ACVR1: variants seen among roughly 807,000 people sequenced by gnomAD.
ACVR1 encodes activin A receptor type 1.
In ACVR1, 38 loss-of-function variants were observed where a neutral mutation model predicts 57.1. That is an observed-to-expected ratio of 0.67 (90% CI 0.51 to 0.87). ACVR1 has a LOEUF of 0.87. Ranked by LOEUF, ACVR1 falls within the 40% of genes least tolerant of loss-of-function variation. The pLI, the probability that ACVR1 is intolerant of heterozygous loss-of-function variation, is 0.00. For missense variants in ACVR1, 463 were observed against 638.2 expected (o/e 0.73, Z 2.96); for synonymous variants, 212 against 228.1 (o/e 0.93, Z 0.63).
chr2:157,835,619 T>C (rs564562072), intron 1 of ACVR1, among the ~76,000 whole-genome samples: 2 of 152,336 alleles, frequency 1.3e-5, no homozygotes, highest in Admixed American at 6.5e-5. Flanking sequence ...TGGGAGAGTA[T>C]TGTGCTGAAT....
intron 3 of ACVR1, among the ~76,000 whole-genome samples, chr2:157,781,235 A>C (rs559342969): frequency 1.3e-5 from 2 of 152,316 alleles, no homozygotes; most frequent in African/African-American, 4.8e-5. Context: ...TGAGCATCTC[A>C]AATCCAAAAA....
intron 9 of ACVR1, among the ~76,000 whole-genome samples, chr2:157,757,429 G>A (rs1685480146): frequency 1.3e-5 from 2 of 151,630 alleles, no homozygotes; most frequent in Admixed American, 1.3e-4. Context: ...GCCCAAAATG[G>A]TATTGTCCAA....
intron 6 of ACVR1, among the ~76,000 whole-genome samples, chr2:157,772,370 T>C (rs1686102485): frequency 6.6e-6 from 1 of 152,118 alleles, no homozygotes; most frequent in Non-Finnish European, 1.5e-5. Context: ...TAACATACCA[T>C]CCATGCAGTT....
intron 3 of ACVR1, among the ~76,000 whole-genome samples, chr2:157,782,405 G>A (rs1247987399): frequency 6.6e-6 from 1 of 152,188 alleles, no homozygotes; most frequent in East Asian, 1.9e-4. Flanking sequence ...TGAGAATCAA[G>A]AGCCCTCAAA....
chr2:157,845,621 C>CTAA (rs1260202922), intron 1 of ACVR1, among the ~76,000 whole-genome samples: 7 of 152,138 alleles, frequency 4.6e-5, no homozygotes, highest in Non-Finnish European at 5.9e-5. Context: ...CCCTAGGAAG[C>CTAA]TAATACAGAT....
chr2:157,760,258 G>C (rs190886159), intron 9 of ACVR1, among the ~76,000 whole-genome samples: 1 of 152,166 alleles, frequency 6.6e-6, no homozygotes, highest in Admixed American at 6.5e-5. Flanking sequence ...TGGTGGTAGA[G>C]AGTAGAATCA....
At chr2:157,784,680 TC>T in intron 3 of ACVR1, among the ~76,000 whole-genome samples, 1 of 152,200 alleles carries the variant, frequency 6.6e-6, no homozygotes, top group African/African-American at 2.4e-5. Flanking sequence ...AGGGACTGCT[TC>T]GGAACCGCCA....
chr2:157,780,697 A>G, intron 3 of ACVR1, 97 bp from the exon 4 acceptor site: 2 of 1,438,856 alleles, frequency 1.4e-6, no homozygotes, highest in Admixed American at 2.1e-5. Flanking sequence ...AAACACCTCT[A>G]TCAACAGAAA....
intron 1 of ACVR1, among the ~76,000 whole-genome samples, chr2:157,822,708 A>C (rs1251830485): frequency 1.3e-5 from 2 of 152,218 alleles, no homozygotes; most frequent in African/African-American, 4.8e-5. Context: ...TTTGTAAATA[A>C]AAGTTTTATT....
At chr2:157,755,329 T>C (rs559872026) in intron 9 of ACVR1, among the ~76,000 whole-genome samples, 1 of 152,188 alleles carries the variant, frequency 6.6e-6, no homozygotes, top group African/African-American at 2.4e-5. Flanking sequence ...CTGTCGCTGT[T>C]TGCTGATGAT....
intron 8 of ACVR1, among the ~76,000 whole-genome samples, 165 bp from the exon 9 acceptor site, chr2:157,761,242 G>A (rs907328855): frequency 3.9e-5 from 6 of 152,120 alleles, no homozygotes; most frequent in African/African-American, 1.4e-4. Context: ...GATTATTTCC[G>A]GGGTGAGAGC....
At chr2:157,796,458 G>A (rs1463255474) in intron 3 of ACVR1, among the ~76,000 whole-genome samples, 1 of 152,060 alleles carries the variant, frequency 6.6e-6, no homozygotes, top group African/African-American at 2.4e-5. Context: ...GGAGGCTGAC[G>A]TAGGAGGATC....
chr2:157,752,389 C>T (rs1685237922), intron 9 of ACVR1, among the ~76,000 whole-genome samples: 1 of 152,184 alleles, frequency 6.6e-6, no homozygotes. Context: ...AGTAATATGA[C>T]AAAACAAGGT....
intron 9 of ACVR1, among the ~76,000 whole-genome samples, chr2:157,747,287 C>T (rs950143360): frequency 3.9e-5 from 6 of 152,208 alleles, no homozygotes; most frequent in Non-Finnish European, 8.8e-5. Context: ...AGCAACTTGG[C>T]AATATGTGTC....
At chr2:157,863,869 T>C (rs76161063) in intron 1 of ACVR1, among the ~76,000 whole-genome samples, 1 of 113,854 alleles carries the variant, frequency 8.8e-6, no homozygotes, top group Admixed American at 8.1e-5. Context: ...AGCAAATTCT[T>C]TTTTTTTTTT....
At chr2:157,789,591 T>C (rs1408109820) in intron 3 of ACVR1, among the ~76,000 whole-genome samples, 1 of 152,188 alleles carries the variant, frequency 6.6e-6, no homozygotes, top group Non-Finnish European at 1.5e-5. Context: ...CCATCCACAC[T>C]GGCCACCAAG....
chr2:157,785,106 GA>G (rs898502206), intron 3 of ACVR1, among the ~76,000 whole-genome samples: 1 of 152,128 alleles, frequency 6.6e-6, no homozygotes, highest in African/African-American at 2.4e-5. Context: ...AGACAAATAA[GA>G]AAATGCTACA....
At chr2:157,770,241 G>T in intron 7 of ACVR1, 127 bp downstream of exon 7, 1 of 993,872 alleles carries the variant, frequency 1.0e-6, no homozygotes, top group Non-Finnish European at 1.6e-6. Flanking sequence ...GCATATAAAT[G>T]CTAAGGATCC....
Position 157,780,506 on chromosome 2 carries a change from A to G in ACVR1, c.162T>C (p.Phe54=), listed in dbSNP as rs1686466925. 5 of 1,614,082 alleles carry G rather than the reference A, an allele frequency of 3.1e-6. No individual in the cohort carries two copies. Among genetic ancestry groups the G allele is most frequent in the Non-Finnish European group, 4.2e-6 (5 of 1,180,014 alleles). Residue 54 remains phenylalanine, a synonymous_variant, in exon 4 of 11, where the codon TTT becomes TTC. Transcript: ENST00000434821. ...AGCCATCGTTGATGCTCAGTGAGGAAAAGCACTGCTGGCCTTCACAGTGGT... is the reference window on the plus strand; with the variant it reads ...AGCCATCGTTGATGCTCAGTGAGGAGAAGCACTGCTGGCCTTCACAGTGGT... ...NEDHCEGQQC[F]SSLSINDGFH...
Sources: gnomAD v4.1 joint callset for allele counts (sites outside exome capture counted in the v4.1 genomes callset) on GRCh38, gnomAD v4.1.1 for gene constraint, MANE v1.5 for transcripts, NCBI Gene and HGNC (gene_info 2026-07-23, HGNC 2026-07-21) for gene names.